The following NRG3 variants were observed in gnomAD, a reference collection of about 807,000 sequenced individuals.
NRG3 encodes the protein pro-neuregulin-3, membrane-bound isoform.
In NRG3, 31 loss-of-function variants were observed where a neutral mutation model predicts 66.9. That is an observed-to-expected ratio of 0.46 (90% confidence interval 0.35 to 0.63). The LOEUF (loss-of-function observed/expected upper bound fraction) is 0.63. Ranked by LOEUF, NRG3 falls within the 20% of genes least tolerant of loss-of-function variation. NRG3 has a pLI of 0.00. For synonymous variants in NRG3, 393 were observed against 359.4 expected (o/e 1.09, Z -1.06); for missense variants, 910 against 878.9 (o/e 1.04, Z -0.45).
chr10:82,048,500 C>G (rs895011291), intron 1 of NRG3, among the ~76,000 whole-genome samples: 267 of 151,788 alleles, frequency 1.8e-3, no homozygotes, highest in African/African-American at 6.0e-3. Context: ...TGAATGACTA[C>G]TGGGTACATA....
chr10:82,818,091 T>C (rs1258072332), intron 3 of NRG3, among the ~76,000 whole-genome samples: 1 of 152,232 alleles, frequency 6.6e-6, no homozygotes, highest in Non-Finnish European at 1.5e-5. Context: ...GCTAGCTGCA[T>C]TTATACCCAC....
At chr10:82,823,189 G>A (rs2062029549) in intron 3 of NRG3, among the ~76,000 whole-genome samples, 1 of 152,132 alleles carries the variant, frequency 6.6e-6, no homozygotes, top group Admixed American at 6.5e-5. Flanking sequence ...TCCTACCTGT[G>A]GAGAGAGGGC....
At chr10:82,029,283 A>ATACAATCAT in intron 1 of NRG3, among the ~76,000 whole-genome samples, 1 of 152,262 alleles carries the variant, frequency 6.6e-6, no homozygotes, top group South Asian at 2.1e-4. Flanking sequence ...GGAGAAATTT[A>ATACAATCAT]GTTAACTTTT....
At chr10:82,718,525 A>C (rs1236488460) in intron 2 of NRG3, among the ~76,000 whole-genome samples, 1 of 152,216 alleles carries the variant, frequency 6.6e-6, no homozygotes, top group Non-Finnish European at 1.5e-5. Flanking sequence ...ATGAAAACTC[A>C]TGGTCAAAAA....
At chr10:82,931,663 T>A (rs562732907) in intron 4 of NRG3, among the ~76,000 whole-genome samples, 1 of 152,300 alleles carries the variant, frequency 6.6e-6, no homozygotes, top group Non-Finnish European at 1.5e-5. Context: ...GCCAAGGTTA[T>A]TGTTAGGGCT....
intron 1 of NRG3, among the ~76,000 whole-genome samples, chr10:81,900,458 G>GTTGTGAA (rs1454897533): frequency 5.3e-5 from 8 of 152,160 alleles, no homozygotes; most frequent in Non-Finnish European, 1.2e-4. Context: ...AAACAAATAC[G>GTTGTGAA]TTGTGAATTA....
intron 2 of NRG3, among the ~76,000 whole-genome samples, chr10:82,685,595 A>C (rs2054452902): frequency 6.6e-6 from 1 of 151,936 alleles, no homozygotes; most frequent in African/African-American, 2.4e-5. Flanking sequence ...GTAAAAAAAT[A>C]TTTTTTCTTT....
intron 2 of NRG3, among the ~76,000 whole-genome samples, chr10:82,548,550 C>T (rs994025591): frequency 1.3e-5 from 2 of 151,598 alleles, no homozygotes; most frequent in Non-Finnish European, 2.9e-5. Context: ...CACACACACA[C>T]ACACACACAC....
Position 81,875,300 on chromosome 10 carries a change from C to G in NRG3, c.-41C>G. 1.0e-6 allele frequency: 1 copy of G among 982,716 alleles called. No individual in the cohort carries two copies. Among genetic ancestry groups the G allele is most frequent in the Non-Finnish European group, 1.2e-6 (1 of 829,472 alleles). The allele number at this position is 982,716 out of a possible 1,614,324, so 60.9% of individuals were successfully genotyped here. ...GGCCCGCGCGGCCCCATGCCTCTGC[C>G]GCGGCCCTCGGGGGGGCGAAGGTGA... On this transcript the variant is annotated 5_prime_UTR_variant, in exon 1 of 9. Coordinates refer to ENST00000372141, the MANE Select transcript of NRG3 (RefSeq NM_001010848.4). This position sits in a 1 kb window ranked among gnomAD's most constrained non-coding sequence, Gnocchi z 5.3.
At chr10:82,869,631 A>ATTTTATTTTATTT (rs1554831160) in intron 4 of NRG3, among the ~76,000 whole-genome samples, 1 of 134,612 alleles carries the variant, frequency 7.4e-6, no homozygotes, top group African/African-American at 2.7e-5. Context: ...ATTTTGAGAC[A>ATTTTATTTTATTT]GAGTTTCGCT....
At chr10:81,946,174 G>A (rs1445864233) in intron 1 of NRG3, among the ~76,000 whole-genome samples, 2 of 152,014 alleles carry the variant, frequency 1.3e-5, no homozygotes, top group Non-Finnish European at 2.9e-5. Context: ...CCGCCACTAC[G>A]CCCAGCTAAA....
chr10:82,233,953 T>C (rs1421361984), intron 1 of NRG3, among the ~76,000 whole-genome samples: 3 of 152,148 alleles, frequency 2.0e-5, no homozygotes, highest in Non-Finnish European at 4.4e-5. Context: ...CAAGCCGCTT[T>C]CATCTTACCC....
At chr10:82,196,164 GA>G (rs1432427516) in intron 1 of NRG3, among the ~76,000 whole-genome samples, 1 of 152,160 alleles carries the variant, frequency 6.6e-6, no homozygotes, top group East Asian at 1.9e-4. Context: ...TGGGTGACAA[GA>G]TGAAAACATG....
At chr10:81,932,186 AG>A (rs758299202) in intron 1 of NRG3, among the ~76,000 whole-genome samples, 5 of 147,684 alleles carry the variant, frequency 3.4e-5, no homozygotes, top group Non-Finnish European at 5.9e-5. Flanking sequence ...GGAGAGAGAG[AG>A]AGAGGAGAGA....
intron 4 of NRG3, among the ~76,000 whole-genome samples, chr10:82,940,648 G>T (rs962707933): frequency 2.0e-5 from 3 of 152,138 alleles, no homozygotes; most frequent in African/African-American, 7.2e-5. Flanking sequence ...GAAGACCAGG[G>T]TCAAGATGCC....
intron 1 of NRG3, among the ~76,000 whole-genome samples, chr10:82,120,412 A>G (rs1010398686): frequency 2.0e-5 from 3 of 152,172 alleles, no homozygotes; most frequent in Non-Finnish European, 4.4e-5. Context: ...TACAAAAAAG[A>G]AATACATTTG....
chr10:82,408,104 AAAG>A (rs1478277786), intron 2 of NRG3, among the ~76,000 whole-genome samples: 28 of 137,896 alleles, frequency 2.0e-4, no homozygotes, highest in African/African-American at 7.4e-4. Flanking sequence ...AGAAAGAAAG[AAAG>A]AAAGAAAGAA....
At chr10:81,930,465 T>G (rs1847233531) in intron 1 of NRG3, among the ~76,000 whole-genome samples, 2 of 151,780 alleles carry the variant, frequency 1.3e-5, no homozygotes, top group South Asian at 4.2e-4. Flanking sequence ...AAACAGAGCT[T>G]TTGTGCTCTC....
intron 4 of NRG3, among the ~76,000 whole-genome samples, chr10:82,928,658 A>G (rs1189591879): frequency 6.6e-6 from 1 of 151,302 alleles, no homozygotes; most frequent in Non-Finnish European, 1.5e-5. Flanking sequence ...CAAAGAGTAA[A>G]TATCTAGGCT....
Sources: allele counts gnomAD v4.1 joint callset (sites outside exome capture counted in the v4.1 genomes callset), GRCh38; gene constraint gnomAD v4.1.1; non-coding constraint Gnocchi (gnomAD v3.1); transcripts MANE v1.5; gene names NCBI Gene and HGNC (gene_info 2026-07-23, HGNC 2026-07-21).